The following ENPP6 variants were observed in gnomAD, a reference collection of about 807,000 sequenced individuals.
ENPP6 encodes the protein ectonucleotide pyrophosphatase/phosphodiesterase 6, also known as glycerophosphocholine cholinephosphodiesterase ENPP6.
A neutral mutation model predicts 42.0 loss-of-function variants in ENPP6; 32 were observed. That is an observed-to-expected ratio of 0.76 (90% CI 0.58 to 1.02). The LOEUF (loss-of-function observed/expected upper bound fraction) is 1.02, where lower values mean the gene tolerates loss of function less well. Among genes scored for constraint, ENPP6 ranks in the 50% least tolerant of loss-of-function variants. The probability of loss-of-function intolerance (pLI) is 0.00; values close to 1 mark genes in which losing one functional copy is unlikely to be tolerated. For missense variants in ENPP6, 552 were observed against 566.8 expected (o/e 0.97, Z 0.27); for synonymous variants, 213 against 216.0 (o/e 0.99, Z 0.12).
intron 2 of ENPP6, among the ~76,000 whole-genome samples, chr4:184,142,933 G>A (rs1242731465): frequency 6.6e-6 from 1 of 152,196 alleles, no homozygotes; most frequent in Admixed American, 6.5e-5. Flanking sequence ...GACCACGACT[G>A]GAATTACAGC....
chr4:184,151,255 T>C (rs1181487595), intron 2 of ENPP6, among the ~76,000 whole-genome samples: 1 of 152,210 alleles, frequency 6.6e-6, no homozygotes, highest in East Asian at 1.9e-4. Context: ...AGAGAATCAC[T>C]TGACCTGGGG....
intron 1 of ENPP6, among the ~76,000 whole-genome samples, chr4:184,198,417 C>T (rs562060028): frequency 2.5e-4 from 38 of 152,320 alleles, no homozygotes; most frequent in East Asian, 5.8e-4. Context: ...GGAGCCCTTC[C>T]GAGGCTGTAC....
At chr4:184,128,220 AC>A (rs1736536949) in intron 2 of ENPP6, among the ~76,000 whole-genome samples, 1 of 152,202 alleles carries the variant, frequency 6.6e-6, no homozygotes, top group African/African-American at 2.4e-5. Flanking sequence ...TCACTCTGTC[AC>A]CCAGGCTGGA....
intron 6 of ENPP6, among the ~76,000 whole-genome samples, chr4:184,109,000 C>G (rs1736153229): frequency 6.6e-6 from 1 of 152,218 alleles, no homozygotes; most frequent in Non-Finnish European, 1.5e-5. Flanking sequence ...CACTTGAGGT[C>G]AGGAGTTCAA....
intron 2 of ENPP6, among the ~76,000 whole-genome samples, chr4:184,142,500 C>A (rs1011594855): frequency 1.6e-5 from 2 of 122,728 alleles, no homozygotes; most frequent in Admixed American, 7.6e-5. Flanking sequence ...GCCTTGCCCA[C>A]GGGGCTGGGG....
chr4:184,136,467 T>C (rs978436235), intron 2 of ENPP6, among the ~76,000 whole-genome samples: 5 of 152,210 alleles, frequency 3.3e-5, no homozygotes, highest in Non-Finnish European at 7.3e-5. Flanking sequence ...TGCTTCCATC[T>C]GTGATCATTT....
At chr4:184,141,439 G>A (rs775480034) in intron 2 of ENPP6, among the ~76,000 whole-genome samples, 9 of 152,222 alleles carry the variant, frequency 5.9e-5, no homozygotes, top group African/African-American at 1.2e-4. Context: ...TGGGGAAGGC[G>A]GCAACAAGGG....
intron 1 of ENPP6, among the ~76,000 whole-genome samples, chr4:184,197,519 G>GAAA (rs1381490821): frequency 6.6e-6 from 1 of 152,212 alleles, no homozygotes; most frequent in Admixed American, 6.5e-5. Flanking sequence ...CCAGATGCTG[G>GAAA]CCCCGGCTTG....
intron 1 of ENPP6, among the ~76,000 whole-genome samples, chr4:184,209,047 A>G (rs1388422438): frequency 2.0e-5 from 3 of 146,962 alleles, no homozygotes; most frequent in Admixed American, 1.4e-4. Context: ...AAGGAAAACT[A>G]ACAAACAGAA....
At chr4:184,198,613 C>T (rs908633054) in intron 1 of ENPP6, among the ~76,000 whole-genome samples, 1 of 152,188 alleles carries the variant, frequency 6.6e-6, no homozygotes, top group Non-Finnish European at 1.5e-5. Context: ...AAGCACAAAA[C>T]ATTGCTTTAG....
chr4:184,186,533 A>C (rs570645621), intron 1 of ENPP6, among the ~76,000 whole-genome samples: 5 of 152,314 alleles, frequency 3.3e-5, no homozygotes, highest in Admixed American at 2.6e-4. Flanking sequence ...GGGGCCAGCA[A>C]AGAGAAGTCA....
intron 2 of ENPP6, among the ~76,000 whole-genome samples, chr4:184,138,214 A>G (rs911311925): frequency 6.6e-6 from 1 of 152,234 alleles, no homozygotes; most frequent in Non-Finnish European, 1.5e-5. Flanking sequence ...GCTATTTCTA[A>G]TCATTAAATG....
chr4:184,194,620 C>T (rs559467226), intron 1 of ENPP6, among the ~76,000 whole-genome samples: 16 of 152,246 alleles, frequency 1.1e-4, no homozygotes, highest in South Asian at 1.0e-3. Context: ...AGGTCCCACC[C>T]GCGAGGGTGG....
chr4:184,091,977 C>T (rs964787584), intron 7 of ENPP6, among the ~76,000 whole-genome samples: 8 of 152,126 alleles, frequency 5.3e-5, no homozygotes, highest in African/African-American at 1.7e-4. Context: ...TTGGGGGCTG[C>T]GGGGAGGCTG....
At chr4:184,133,641 A>AT (rs751631996) in intron 2 of ENPP6, among the ~76,000 whole-genome samples, 1 of 151,264 alleles carries the variant, frequency 6.6e-6, no homozygotes, top group Non-Finnish European at 1.5e-5. Context: ...TCATGCTAGG[A>AT]GGCACCCTTA....
In ENPP6 at chr4:184,091,090, A is replaced by C; in HGVS notation, c.*87T>G. 2 of 1,228,170 alleles carry C rather than the reference A, an allele frequency of 1.6e-6. No homozygotes were observed. Among genetic ancestry groups the C allele is most frequent in the Non-Finnish European group, 1.1e-6 (1 of 892,694 alleles). The allele number at this position is 1,228,170 out of a possible 1,614,324, so 76.1% of individuals were successfully genotyped here. A position where few individuals can be genotyped will look rare whatever the true frequency, so the allele number is the denominator to read the frequency against. On this transcript the variant is annotated 3_prime_UTR_variant, in exon 8 of 8. Coordinates refer to ENST00000296741, the MANE Select transcript of ENPP6 (RefSeq NM_153343.4). ...TGGTCTTGATTGTGTTAATGAAGCT[A>C]TTATTCACACATAAAATGAAAATCA...
intron 1 of ENPP6, among the ~76,000 whole-genome samples, chr4:184,157,431 TTTTC>T (rs1267529669): frequency 5.2e-5 from 4 of 77,202 alleles, no homozygotes; most frequent in Non-Finnish European, 7.7e-5. Flanking sequence ...CTTTCTTTCC[TTTTC>T]TTTCTTTCTT....
At chr4:184,206,446 C>T (rs1282982350) in intron 1 of ENPP6, among the ~76,000 whole-genome samples, 2 of 135,822 alleles carry the variant, frequency 1.5e-5, no homozygotes, top group African/African-American at 5.8e-5. Flanking sequence ...TTAGTAGAGA[C>T]GGGGTTTCAC....
At chr4:184,120,831 C>G (rs759806970) in intron 3 of ENPP6, among the ~76,000 whole-genome samples, 1 of 152,192 alleles carries the variant, frequency 6.6e-6, no homozygotes, top group Non-Finnish European at 1.5e-5. Flanking sequence ...TCTGGACTCC[C>G]TGTCGCTGTC....
Sources: allele counts gnomAD v4.1 joint callset (sites outside exome capture counted in the v4.1 genomes callset), GRCh38; gene constraint gnomAD v4.1.1; transcripts MANE v1.5; gene names NCBI Gene and HGNC (gene_info 2026-07-23, HGNC 2026-07-21).